The following RERE variants were observed in gnomAD, a reference collection of about 807,000 sequenced individuals.
RERE encodes arginine-glutamic acid dipeptide repeats.
In RERE, 40 loss-of-function variants were observed where a neutral mutation model predicts 146.1. The observed-to-expected ratio is 0.27, with a 90% CI of 0.21 to 0.36. The LOEUF (loss-of-function observed/expected upper bound fraction) is 0.36. Ranked by LOEUF, RERE falls within the 10% of genes least tolerant of loss-of-function variation. The probability of loss-of-function intolerance (pLI) is 1.00; values close to 1 mark genes in which losing one functional copy is unlikely to be tolerated. For missense variants in RERE, 1,933 were observed against 2,138.7 expected (o/e 0.90, Z 1.90); for synonymous variants, 1,003 against 866.0 (o/e 1.16, Z -2.78).
At chr1:8,612,422 GCAT>G (rs1484490944) in intron 4 of RERE, among the ~76,000 whole-genome samples, 5 of 152,262 alleles carry the variant, frequency 3.3e-5, no homozygotes, top group South Asian at 4.1e-4. Context: ...GCTTTATGTA[GCAT>G]CATCTTGACT....
chr1:8,579,816 C>A (rs1557695614), intron 4 of RERE, among the ~76,000 whole-genome samples: 1 of 152,204 alleles, frequency 6.6e-6, no homozygotes, highest in African/African-American at 2.4e-5. Flanking sequence ...CCGGCCTGGC[C>A]AACATGGTAA....
chr1:8,621,895 TAAGA>T (rs1254364196), intron 3 of RERE, among the ~76,000 whole-genome samples: 1 of 152,120 alleles, frequency 6.6e-6, no homozygotes. Flanking sequence ...AGTAAGAAAA[TAAGA>T]AAGTGGAAAT....
intron 1 of RERE, among the ~76,000 whole-genome samples, chr1:8,794,654 T>C (rs1641433489): frequency 6.6e-6 from 1 of 151,920 alleles, no homozygotes; most frequent in African/African-American, 2.4e-5. Context: ...CCCTGCACTT[T>C]GGGAGGCCAA....
chr1:8,692,268 C>T (rs1311420364), intron 1 of RERE, among the ~76,000 whole-genome samples: 1 of 152,142 alleles, frequency 6.6e-6, no homozygotes, highest in Non-Finnish European at 1.5e-5. Flanking sequence ...AGAACCTCCA[C>T]AGATACCAAT....
At chr1:8,607,547 T>C (rs1019412221) in intron 4 of RERE, among the ~76,000 whole-genome samples, 1 of 101,180 alleles carries the variant, frequency 9.9e-6, no homozygotes. Context: ...TTTTTTTTTT[T>C]TTTTTTTTTT....
At chr1:8,438,487 G>T (rs1056540308) in intron 11 of RERE, among the ~76,000 whole-genome samples, 1 of 152,202 alleles carries the variant, frequency 6.6e-6, no homozygotes, top group Non-Finnish European at 1.5e-5. Context: ...CGGAACAGAA[G>T]GTATAGGGAT....
rs1481015360 is a variant in RERE at position 8,781,578 on chromosome 1, G to T, written c.-145+35582C>A. ...TAAAACTCTGCTCTGCCACTTCCTAGCTGAGTTACTTTGGGAAAGTTATTG... is the reference window on the plus strand; with the variant it reads ...TAAAACTCTGCTCTGCCACTTCCTATCTGAGTTACTTTGGGAAAGTTATTG... On this transcript the variant is annotated intron_variant, in intron 1 of 22. Coordinates refer to ENST00000400908, the MANE Select transcript of RERE (RefSeq NM_001042681.2). Among the ~76,000 whole-genome samples, 6 of 151,496 alleles carry T rather than the reference G, an allele frequency of 4.0e-5. No individual in the cohort carries two copies. In the Admixed American group the frequency reaches 4.0e-4, roughly 10 times the overall value.
intron 10 of RERE, among the ~76,000 whole-genome samples, chr1:8,470,611 T>C (rs1644670321): frequency 6.6e-6 from 1 of 151,844 alleles, no homozygotes; most frequent in Admixed American, 6.6e-5. Flanking sequence ...TCATCAGTGT[T>C]TCACAGGGGC....
chr1:8,577,960 G>A (rs895586825), intron 4 of RERE, among the ~76,000 whole-genome samples: 4 of 152,026 alleles, frequency 2.6e-5, no homozygotes, highest in Admixed American at 6.6e-5. Context: ...GTGCGGTGGC[G>A]GGCGCCTGTA....
At chr1:8,441,923 C>G (rs1176524966) in intron 11 of RERE, among the ~76,000 whole-genome samples, 1 of 151,840 alleles carries the variant, frequency 6.6e-6, no homozygotes, top group African/African-American at 2.4e-5. Flanking sequence ...TAACCATATG[C>G]CCGATTTCAA....
intron 3 of RERE, among the ~76,000 whole-genome samples, chr1:8,623,112 T>C (rs1646935836): frequency 6.6e-6 from 1 of 152,184 alleles, no homozygotes; most frequent in Non-Finnish European, 1.5e-5. Flanking sequence ...ACTACTTCAG[T>C]AGTATTTCAA....
intron 1 of RERE, among the ~76,000 whole-genome samples, chr1:8,808,788 T>A (rs1283938159): frequency 3.9e-5 from 6 of 152,090 alleles, no homozygotes; most frequent in Non-Finnish European, 7.3e-5. Flanking sequence ...CAGATCTGCA[T>A]CTCCAGAGAG....
At chr1:8,592,498 C>G (rs1173601569) in intron 4 of RERE, among the ~76,000 whole-genome samples, 1 of 152,088 alleles carries the variant, frequency 6.6e-6, no homozygotes, top group African/African-American at 2.4e-5. Context: ...TCTTAAACTC[C>G]TGGGCTCTAG....
chr1:8,737,920 T>C (rs772512261), intron 1 of RERE, among the ~76,000 whole-genome samples: 2 of 152,190 alleles, frequency 1.3e-5, no homozygotes, highest in Non-Finnish European at 2.9e-5. Context: ...CTAGCAAATG[T>C]CCTGCAGAAA....
chr1:8,651,079 G>C (rs1320092216), intron 2 of RERE, among the ~76,000 whole-genome samples: 1 of 151,804 alleles, frequency 6.6e-6, no homozygotes, highest in Non-Finnish European at 1.5e-5. Flanking sequence ...CTGGGCAACA[G>C]GCTGAGACTA....
In RERE at chr1:8,666,568, C is replaced by T. The variant is rs114391214; in HGVS notation, c.-144-10127G>A. Reference sequence around the variant, plus strand: ...ATATCAACATGCCTGGGAAAGAAGACGTAATGGCTTTTGCTCTGGAAAGGG... The same window carrying T: ...ATATCAACATGCCTGGGAAAGAAGATGTAATGGCTTTTGCTCTGGAAAGGG... On this transcript the variant is annotated intron_variant, in intron 1 of 22. Coordinates refer to ENST00000400908, the MANE Select transcript of RERE (RefSeq NM_001042681.2). Among the ~76,000 whole-genome samples the T allele has an allele frequency of 5.0e-3, 754 of 152,280 alleles. 3 individuals are homozygous for T. Among genetic ancestry groups the T allele is most frequent in the African/African-American group, 0.017 (726 of 41,542 alleles).
intron 9 of RERE, 143 bp downstream of exon 9, chr1:8,497,262 C>G: frequency 1.4e-6 from 1 of 737,816 alleles, no homozygotes; most frequent in South Asian, 2.6e-5. Flanking sequence ...GCCAGGGTCC[C>G]GATTACAGAG....
chr1:8,479,217 T>A (rs371476433), intron 10 of RERE, among the ~76,000 whole-genome samples: 3 of 152,042 alleles, frequency 2.0e-5, no homozygotes, highest in African/African-American at 4.8e-5. Context: ...AGCCCCTGTC[T>A]CTACAAAAAA....
intron 1 of RERE, among the ~76,000 whole-genome samples, chr1:8,665,439 C>G (rs145643860): frequency 6.6e-6 from 1 of 152,168 alleles, no homozygotes; most frequent in Non-Finnish European, 1.5e-5. Flanking sequence ...CCTTCCCACC[C>G]TCTCACACAT....
Sources: gnomAD v4.1 joint callset for allele counts (sites outside exome capture counted in the v4.1 genomes callset) on GRCh38, gnomAD v4.1.1 for gene constraint, MANE v1.5 for transcripts, NCBI Gene and HGNC (gene_info 2026-07-23, HGNC 2026-07-21) for gene names.